The following MYO10 variants were observed in gnomAD, a reference collection of about 807,000 sequenced individuals.
MYO10 encodes unconventional myosin-X.
Under a neutral mutation model 257.3 loss-of-function variants are expected in MYO10, and 133 were observed. That is an observed-to-expected ratio of 0.52 (90% CI 0.45 to 0.60). The LOEUF (loss-of-function observed/expected upper bound fraction) is 0.60, where lower values mean the gene tolerates loss of function less well. Among genes scored for constraint, MYO10 ranks in the 20% least tolerant of loss-of-function variants. The pLI is 0.00. For missense variants in MYO10, 2,399 were observed against 2,635.7 expected (o/e 0.91, Z 1.97); for synonymous variants, 1,104 against 1,028.6 (o/e 1.07, Z -1.40).
intron 19 of MYO10, among the ~76,000 whole-genome samples, chr5:16,743,214 T>C (rs1428976703): frequency 6.6e-6 from 1 of 152,094 alleles, no homozygotes; most frequent in Non-Finnish European, 1.5e-5. Context: ...ACTAACCAAA[T>C]GCACAGAGGA....
intron 2 of MYO10, among the ~76,000 whole-genome samples, chr5:16,827,605 G>A (rs1743039892): frequency 6.6e-6 from 1 of 152,090 alleles, no homozygotes. Context: ...CTTTATATAC[G>A]TAACTCTTCT....
chr5:16,784,753 G>T (rs1334378061), intron 4 of MYO10, among the ~76,000 whole-genome samples: 1 of 152,158 alleles, frequency 6.6e-6, no homozygotes, highest in Admixed American at 6.5e-5. Context: ...GAGCTGGGAC[G>T]TTATCAAGAA....
intron 5 of MYO10, 104 bp from the exon 6 acceptor site, chr5:16,781,933 T>G: frequency 7.1e-7 from 1 of 1,411,222 alleles, no homozygotes; most frequent in Non-Finnish European, 9.7e-7. Flanking sequence ...AAGAAAAATC[T>G]GAAACCAAAA....
chr5:16,688,202 G>A (rs1409896684), intron 28 of MYO10, among the ~76,000 whole-genome samples: 1 of 152,156 alleles, frequency 6.6e-6, no homozygotes, highest in Admixed American at 6.5e-5. Context: ...TATAATTCCA[G>A]GTTTGCTTGT....
chr5:16,737,622 C>A (rs577576492), intron 19 of MYO10, among the ~76,000 whole-genome samples: 11 of 152,240 alleles, frequency 7.2e-5, no homozygotes, highest in African/African-American at 2.6e-4. Flanking sequence ...TTTTTATTGA[C>A]AGCAAATAAA....
At chr5:16,704,249 C>T (rs966321901) in intron 22 of MYO10, among the ~76,000 whole-genome samples, 1 of 152,008 alleles carries the variant, frequency 6.6e-6, no homozygotes, top group African/African-American at 2.4e-5. Flanking sequence ...TGCTTGAGCC[C>T]AGGAGGTCAA....
intron 2 of MYO10, among the ~76,000 whole-genome samples, chr5:16,848,155 C>CTTTTTTTTTTTTTTTCTTTTTTTTTTTT (rs1554002459): frequency 8.8e-6 from 1 of 113,596 alleles, no homozygotes; most frequent in African/African-American, 3.7e-5. Flanking sequence ...CTACACATTT[C>CTTTTTTTTTTTTTTTCTTTTTTTTTTTT]TTTTTTTTTT....
chr5:16,743,345 C>A (rs894623220), intron 19 of MYO10, among the ~76,000 whole-genome samples: 5 of 151,994 alleles, frequency 3.3e-5, no homozygotes, highest in African/African-American at 1.2e-4. Flanking sequence ...TAGTGAGCAA[C>A]AGAAACTTCA....
At chr5:16,718,395 A>G (rs905045380) in intron 19 of MYO10, among the ~76,000 whole-genome samples, 1 of 152,232 alleles carries the variant, frequency 6.6e-6, no homozygotes, top group Non-Finnish European at 1.5e-5. Context: ...GGGATCCACT[A>G]GGTGAAGCCA....
At chr5:16,755,326 C>T (rs933780986) in intron 18 of MYO10, among the ~76,000 whole-genome samples, 9 of 152,154 alleles carry the variant, frequency 5.9e-5, no homozygotes, top group East Asian at 3.9e-4. Context: ...CCACCATGCC[C>T]GGAGAATTTT....
intron 2 of MYO10, among the ~76,000 whole-genome samples, chr5:16,877,360 G>A (rs1744630940): frequency 6.6e-6 from 1 of 152,212 alleles, no homozygotes; most frequent in South Asian, 2.1e-4. Flanking sequence ...AGGGAAACCA[G>A]GCCAGTGCCA....
At chr5:16,913,062 C>A (rs997742861) in intron 1 of MYO10, among the ~76,000 whole-genome samples, 12 of 151,320 alleles carry the variant, frequency 7.9e-5, no homozygotes, top group African/African-American at 2.9e-4. Flanking sequence ...GCTTACATTT[C>A]TCTCAGTGCC....
chr5:16,912,103 T>G (rs913907571), intron 1 of MYO10, among the ~76,000 whole-genome samples: 1 of 152,124 alleles, frequency 6.6e-6, no homozygotes, highest in African/African-American at 2.4e-5. Flanking sequence ...TTATTGTTAG[T>G]GTTAGTATAT....
chr5:16,829,611 C>T (rs551560869), intron 2 of MYO10, among the ~76,000 whole-genome samples: 50 of 152,286 alleles, frequency 3.3e-4, no homozygotes, highest in Non-Finnish European at 5.9e-4. Flanking sequence ...ACTAACCATC[C>T]AGCTCAAACC....
intron 9 of MYO10, among the ~76,000 whole-genome samples, chr5:16,771,954 A>G (rs768800888): frequency 8.6e-5 from 13 of 151,236 alleles, no homozygotes; most frequent in African/African-American, 2.9e-4. Context: ...AGAAATCTAT[A>G]TAATCTCCAA....
intron 2 of MYO10, among the ~76,000 whole-genome samples, chr5:16,857,254 A>C (rs984025530): frequency 6.6e-5 from 10 of 152,234 alleles, no homozygotes; most frequent in African/African-American, 1.9e-4. Context: ...AGGTGTTAGT[A>C]TTTAAAACTA....
chr5:16,924,135 G>A (rs1342574872), intron 1 of MYO10, among the ~76,000 whole-genome samples: 1 of 152,138 alleles, frequency 6.6e-6, no homozygotes, highest in Admixed American at 6.6e-5. Context: ...CCAAATGAAT[G>A]TCCACTGGCT....
At chr5:16,923,520 C>T (rs1746047258) in intron 1 of MYO10, among the ~76,000 whole-genome samples, 1 of 151,716 alleles carries the variant, frequency 6.6e-6, no homozygotes. Flanking sequence ...ATCTCCTGAC[C>T]TCGTGATCCA....
intron 1 of MYO10, among the ~76,000 whole-genome samples, chr5:16,920,853 C>T (rs1378768273): frequency 2.0e-5 from 3 of 152,150 alleles, no homozygotes; most frequent in African/African-American, 7.2e-5. Flanking sequence ...TGCGGTGGCT[C>T]ACGCCTGTAA....
Sources: allele counts gnomAD v4.1 joint callset (sites outside exome capture counted in the v4.1 genomes callset), GRCh38; gene constraint gnomAD v4.1.1; transcripts MANE v1.5; gene names NCBI Gene and HGNC (gene_info 2026-07-23, HGNC 2026-07-21).